Variants in HS6ST3 observed in about 807,000 individuals in gnomAD.
HS6ST3 encodes heparan-sulfate 6-O-sulfotransferase 3.
In HS6ST3, 12 loss-of-function variants were observed where a neutral mutation model predicts 36.7. That is an observed-to-expected ratio of 0.33 (90% CI 0.21 to 0.53). The LOEUF (loss-of-function observed/expected upper bound fraction) is 0.53. Among genes scored for constraint, HS6ST3 ranks in the 20% least tolerant of loss-of-function variants. The pLI, the probability that HS6ST3 is intolerant of heterozygous loss-of-function variation, is 0.95. For synonymous variants in HS6ST3, 240 were observed against 257.5 expected (o/e 0.93, Z 0.65); for missense variants, 584 against 640.9 (o/e 0.91, Z 0.96).
rs542645345 is a variant in HS6ST3, at chr13:96,136,772, G to A, written c.707+45203G>A. On this transcript the variant is annotated intron_variant, in intron 1 of 1. Transcript: ENST00000376705. ...TTAACATATACAAATGATTTGATTAGCCTATTTCAAAATAGGATATTTGCA... is the reference window on the plus strand; with the variant it reads ...TTAACATATACAAATGATTTGATTAACCTATTTCAAAATAGGATATTTGCA... Among the ~76,000 whole-genome samples the A allele has an allele frequency of 2.0e-4, 30 of 149,242 alleles. No individual in the cohort carries two copies. The South Asian group carries it at 4.4e-3, about 22-fold the overall frequency.
intron 1 of HS6ST3, among the ~76,000 whole-genome samples, chr13:96,270,897 T>A (rs909884757): frequency 1.3e-5 from 2 of 151,918 alleles, no homozygotes; most frequent in Admixed American, 1.3e-4. Flanking sequence ...TTCCCTGGAA[T>A]GTTCTTCTCC....
chr13:96,712,807 A>C (rs1300301903), intron 1 of HS6ST3, among the ~76,000 whole-genome samples: 2 of 152,196 alleles, frequency 1.3e-5, no homozygotes, highest in Non-Finnish European at 2.9e-5. Context: ...AGGACTCAGT[A>C]GGTGTGATTT....
At chr13:96,251,794 T>A (rs936412963) in intron 1 of HS6ST3, among the ~76,000 whole-genome samples, 1 of 152,194 alleles carries the variant, frequency 6.6e-6, no homozygotes, top group African/African-American at 2.4e-5. Context: ...ATTTCCCTTT[T>A]TAGTTTTTCT....
chr13:96,659,738 A>G (rs1179703422), intron 1 of HS6ST3, among the ~76,000 whole-genome samples: 1 of 152,110 alleles, frequency 6.6e-6, no homozygotes, highest in African/African-American at 2.4e-5. Flanking sequence ...CTCCAGAACC[A>G]TTTATGGAAA....
chr13:96,408,789 G>C (rs1327270988), intron 1 of HS6ST3, among the ~76,000 whole-genome samples: 2 of 152,110 alleles, frequency 1.3e-5, no homozygotes, highest in African/African-American at 2.4e-5. Flanking sequence ...CAGGCATGGT[G>C]GTGGGGGCCT....
intron 1 of HS6ST3, among the ~76,000 whole-genome samples, chr13:96,126,831 T>C (rs2053954378): frequency 6.6e-6 from 1 of 152,164 alleles, no homozygotes. Flanking sequence ...GGGTCCTGGC[T>C]CATCTGGGCC....
chr13:96,512,334 G>A (rs2138920699), intron 1 of HS6ST3, among the ~76,000 whole-genome samples: 1 of 152,232 alleles, frequency 6.6e-6, no homozygotes, highest in South Asian at 2.1e-4. Flanking sequence ...TGCCCTGTCT[G>A]CTTTTCTTTC....
chr13:96,297,111 G>A (rs138307020), intron 1 of HS6ST3, among the ~76,000 whole-genome samples: 223 of 151,772 alleles, frequency 1.5e-3, no homozygotes, highest in African/African-American at 4.5e-3. Context: ...CTATCACATT[G>A]GGTCCCTAGT....
At chr13:96,397,426 T>C (rs2055427833) in intron 1 of HS6ST3, among the ~76,000 whole-genome samples, 1 of 152,204 alleles carries the variant, frequency 6.6e-6, no homozygotes, top group South Asian at 2.1e-4. Context: ...CTTAATACTT[T>C]ACATTTTCAC....
intron 1 of HS6ST3, among the ~76,000 whole-genome samples, chr13:96,619,948 G>A (rs1477580682): frequency 6.6e-6 from 1 of 152,140 alleles, no homozygotes; most frequent in African/African-American, 2.4e-5. Flanking sequence ...TCCTGTCTGT[G>A]AAACCTACAA....
At chr13:96,371,841 T>C (rs2055291590) in intron 1 of HS6ST3, among the ~76,000 whole-genome samples, 1 of 152,182 alleles carries the variant, frequency 6.6e-6, no homozygotes, top group South Asian at 2.1e-4. Flanking sequence ...TATATATGTA[T>C]TCTATCTGTT....
intron 1 of HS6ST3, among the ~76,000 whole-genome samples, chr13:96,592,824 T>C (rs2056387535): frequency 6.6e-6 from 1 of 152,082 alleles, no homozygotes; most frequent in Non-Finnish European, 1.5e-5. Flanking sequence ...CTCCATTGTA[T>C]GTTATTTGTC....
At chr13:96,482,083 C>A (rs2055892558) in intron 1 of HS6ST3, among the ~76,000 whole-genome samples, 1 of 152,276 alleles carries the variant, frequency 6.6e-6, no homozygotes, top group East Asian at 1.9e-4. Context: ...GCAAAATGCT[C>A]TCTTGTCTTT....
At chr13:96,521,995 T>C (rs1380773950) in intron 1 of HS6ST3, among the ~76,000 whole-genome samples, 2 of 152,220 alleles carry the variant, frequency 1.3e-5, no homozygotes, top group Non-Finnish European at 2.9e-5. Context: ...TTTAGTGCTT[T>C]AAATTTCCCT....
chr13:96,335,119 T>G (rs2055093774), intron 1 of HS6ST3, among the ~76,000 whole-genome samples: 1 of 152,084 alleles, frequency 6.6e-6, no homozygotes, highest in African/African-American at 2.4e-5. Context: ...TGTTTGTTGT[T>G]ACTAACTGGG....
chr13:96,517,897 A>T (rs186364615), intron 1 of HS6ST3, among the ~76,000 whole-genome samples: 1 of 152,304 alleles, frequency 6.6e-6, no homozygotes, highest in East Asian at 1.9e-4. Context: ...TACCATAAAG[A>T]TACATGCACG....
At chr13:96,233,954 G>A (rs1229604312) in intron 1 of HS6ST3, among the ~76,000 whole-genome samples, 1 of 152,126 alleles carries the variant, frequency 6.6e-6, no homozygotes, top group African/African-American at 2.4e-5. Context: ...AAGCCAGGGA[G>A]AGGCATTTTA....
intron 1 of HS6ST3, among the ~76,000 whole-genome samples, chr13:96,814,559 G>A (rs1397281422): frequency 6.6e-6 from 1 of 151,890 alleles, no homozygotes; most frequent in Non-Finnish European, 1.5e-5. Context: ...TTAGACTTAG[G>A]AAATAGTCTA....
intron 1 of HS6ST3, among the ~76,000 whole-genome samples, chr13:96,724,050 G>A (rs1875922968): frequency 6.6e-6 from 1 of 151,544 alleles, no homozygotes; most frequent in South Asian, 2.1e-4. Context: ...TCCCTCTTGG[G>A]ATCATATTCT....
Sources: gnomAD v4.1 joint callset for allele counts (sites outside exome capture counted in the v4.1 genomes callset) on GRCh38, gnomAD v4.1.1 for gene constraint, MANE v1.5 for transcripts, NCBI Gene and HGNC (gene_info 2026-07-23, HGNC 2026-07-21) for gene names.